Variants in OR5AN1 observed in about 807,000 individuals in gnomAD.
OR5AN1 encodes olfactory receptor 5AN1.
For synonymous variants in OR5AN1, 167 were observed against 131.8 expected, an observed-to-expected ratio of 1.27 and a Z score of -1.83; for missense variants, 476 against 368.9, an observed-to-expected ratio of 1.29 and a Z score of -2.38.
chr11:59,364,504 C>G lies in OR5AN1; in HGVS notation c.46C>G (p.Leu16Val). The change falls in exon 2 of 2, where the codon CTG (leucine) becomes GTG (valine). Residue 16 changes from leucine (L) to valine (V), a missense_variant. By Grantham distance (32) the Leu-to-Val change is conservative. Coordinates refer to ENST00000641998, the MANE Select transcript of OR5AN1 (RefSeq NM_001004729.2). ...NITEITYFIL[L>V]GFSDFPRIIK... ...TACAGAAATCACCTATTTCATCCTG[C>G]TGGGATTCTCAGATTTTCCCAGGAT... 2 of 1,613,542 alleles carry G rather than the reference C, an allele frequency of 1.2e-6. No homozygotes were observed. Among genetic ancestry groups the G allele is most frequent in the Non-Finnish European group, 1.7e-6 (2 of 1,179,718 alleles).
rs185459656 is a variant in OR5AN1 at position 59,364,995 on chromosome 11, C to T, written c.537C>T (p.Phe179=). The T allele has an allele frequency of 2.5e-6, 4 of 1,614,140 alleles. No individual in the cohort carries two copies. In the East Asian group the frequency reaches 6.7e-5, roughly 27 times the overall value. Residue 179 remains phenylalanine, a synonymous_variant, in exon 2 of 2, where the codon TTC becomes TTT. Coordinates refer to ENST00000641998, the MANE Select transcript of OR5AN1 (RefSeq NM_001004729.2). ...GGTCTAATGTCATCAGACATTTCTT[C>T]TGTGACATGCCCCAACTGTTAATCT... The part of the protein sequence containing the change: ...FCGSNVIRHF[F]CDMPQLLILS...
intron 1 of OR5AN1, among the ~76,000 whole-genome samples, chr11:59,360,404 T>C (rs936465577): frequency 6.6e-6 from 1 of 152,186 alleles, no homozygotes; most frequent in Non-Finnish European, 1.5e-5. Context: ...GGTTTTTTTA[T>C]TTTTGAATCT....
rs745562782 is a variant in OR5AN1 at position 59,365,182 on chromosome 11, T to A, written c.724T>A (p.Cys242Ser). 1 of 1,614,064 alleles carries A rather than the reference T, an allele frequency of 6.2e-7. No individual in the cohort carries two copies. Among genetic ancestry groups the A allele is most frequent in the African/African-American group, 1.3e-5 (1 of 75,060 alleles). The change falls in exon 2 of 2, where the codon TGT (cysteine) becomes AGT (serine). Residue 242 changes from cysteine (C) to serine (S), a missense_variant. Coordinates refer to ENST00000641998, the MANE Select transcript of OR5AN1 (RefSeq NM_001004729.2). ...AGGCAGGTCCAAGGCATTCAACACC[T>A]GTGCTTCTCATCTAACAGCTGTTTC... ...AKGRSKAFNT[C>S]ASHLTAVSLF...
chr11:59,371,054 T>G lies in OR5AN1; in HGVS notation c.*5660T>G, dbSNP rs936414844. 6.6e-6 allele frequency: 1 copy of G among 152,176 alleles called. No individual in the cohort carries two copies. Among genetic ancestry groups the G allele is most frequent in the Non-Finnish European group, 1.5e-5 (1 of 68,026 alleles). The allele number at this position is 152,176 out of a possible 1,614,324, so 9.4% of individuals were successfully genotyped here. On this transcript the variant is annotated 3_prime_UTR_variant, in exon 2 of 2. Coordinates refer to ENST00000641998, the MANE Select transcript of OR5AN1 (RefSeq NM_001004729.2). The stretch of plus-strand genomic sequence containing the variant: ...GGGTTCTTTTGCTTTAATATTTGTG[T>G]GTATGTGGAGTATTCCTTTTTCTTT...
Position 59,369,064 on chromosome 11 carries a change from C to A in OR5AN1, c.*3670C>A, listed in dbSNP as rs559595302. 6.6e-6 allele frequency: 1 copy of A among 152,220 alleles called. No homozygotes were observed. Among genetic ancestry groups the A allele is most frequent in the South Asian group, 2.1e-4 (1 of 4,820 alleles). The allele number at this position is 152,220 out of a possible 1,614,324, so 9.4% of individuals were successfully genotyped here. A position where few individuals can be genotyped will look rare whatever the true frequency, so the allele number is the denominator to read the frequency against. On this transcript the variant is annotated 3_prime_UTR_variant, in exon 2 of 2. Transcript: ENST00000641998. ...AAGAAGTGAGCATCAAACACAGACC[C>A]TACACAAAGCCTTGGCCCAGTGAAA...
At position 59,364,744 on chromosome 11, in the gene OR5AN1, G is replaced by C; in HGVS notation, c.286G>C (p.Val96Leu). ...LLQEQQTITFVGCIIQYFIFS... is the reference protein window; with the variant it reads ...LLQEQQTITFLGCIIQYFIFS... ...ACAGGAACAGCAAACTATCACTTTT[G>C]TTGGTTGTATTATTCAGTACTTTAT... The change falls in exon 2 of 2, where the codon GTT becomes CTT. Residue 96 changes from valine (V) to leucine (L), a missense_variant. Physicochemically the swap from Val to Leu is conservative, Grantham distance 32. Coordinates refer to ENST00000641998, the MANE Select transcript of OR5AN1 (RefSeq NM_001004729.2). 6.2e-7 allele frequency: 1 copy of C among 1,614,024 alleles called. No homozygotes were observed. The highest frequency in any genetic ancestry group is 8.5e-7 in the Non-Finnish European group (1 of 1,179,934).
Position 59,361,988 on chromosome 11 carries a change from G to A in OR5AN1, c.-13-2458G>A, listed in dbSNP as rs998806458. 2.0e-5 allele frequency among the ~76,000 whole-genome samples: 3 copies of A among 148,300 alleles called. No individual in the cohort carries two copies. In the East Asian group the frequency reaches 5.8e-4, roughly 29 times the overall value. On this transcript the variant is annotated intron_variant, in intron 1 of 1. Coordinates refer to ENST00000641998, the MANE Select transcript of OR5AN1 (RefSeq NM_001004729.2). ...TTGTAAGGAGTGTGTGTGTGTTTGT[G>A]TGTGTGTGTGTGTGTGTGTGTGACA...
chr11:59,364,826 G>A lies in OR5AN1; in HGVS notation c.368G>A (p.Arg123His), dbSNP rs149354660. The A allele has an allele frequency of 1.1e-4, 179 of 1,613,918 alleles. 2 individuals are homozygous for A. Among genetic ancestry groups the A allele is most frequent in the South Asian group, 1.6e-4 (15 of 91,064 alleles). The change falls in exon 2 of 2, where the codon CGT (arginine) becomes CAT (histidine). Residue 123 changes from arginine to histidine, a missense_variant. By Grantham distance (29) the Arg-to-His change is conservative (BLOSUM62 0). Transcript: ENST00000641998. ...CTCATGACAGCCATGGCTTATGATC[G>A]TTATGCTGCCATTTGTAACCCCCTG... ...SCLMTAMAYD[R>H]YAAICNPLLY... is the part of the protein sequence containing the mutation.
chr11:59,363,833 C>T (rs1170178577), intron 1 of OR5AN1, among the ~76,000 whole-genome samples: 1 of 152,124 alleles, frequency 6.6e-6, no homozygotes, highest in Non-Finnish European at 1.5e-5. Context: ...CATGATCTCA[C>T]CTCACTGCAA....
chr11:59,363,109 A>T (rs1468606990), intron 1 of OR5AN1, among the ~76,000 whole-genome samples: 1 of 152,210 alleles, frequency 6.6e-6, no homozygotes, highest in African/African-American at 2.4e-5. Flanking sequence ...ATTACTTTTC[A>T]CATTCCTACC....
chr11:59,366,712 T>C lies in OR5AN1; in HGVS notation c.*1318T>C, dbSNP rs1439646034. The C allele has an allele frequency of 6.6e-6, 1 of 152,230 alleles. No homozygotes were observed. Among genetic ancestry groups the C allele is most frequent in the African/African-American group, 2.4e-5 (1 of 41,460 alleles). 9.4% of individuals were successfully genotyped at this position (152,230 alleles called of 1,614,324 possible). A position where few individuals can be genotyped will look rare whatever the true frequency, so the allele number is the denominator to read the frequency against. On this transcript the variant is annotated 3_prime_UTR_variant, in exon 2 of 2. Transcript: ENST00000641998. ...TTTAGGATTATTGAGCTGATACTTATTCAAAACTCAGAATAGGGACCCCAG... is the reference window on the plus strand; with the variant it reads ...TTTAGGATTATTGAGCTGATACTTACTCAAAACTCAGAATAGGGACCCCAG...
chr11:59,367,260 T>G lies in OR5AN1; in HGVS notation c.*1866T>G, dbSNP rs1857545376. On this transcript the variant is annotated 3_prime_UTR_variant, in exon 2 of 2. Coordinates refer to ENST00000641998, the MANE Select transcript of OR5AN1 (RefSeq NM_001004729.2). Reference sequence around the variant, plus strand: ...GGTGAGCATTAGGTCTTTGCAACCCTCAAGTCAGGAGATCTCCTTGTGAAC... The same window carrying G: ...GGTGAGCATTAGGTCTTTGCAACCCGCAAGTCAGGAGATCTCCTTGTGAAC... 6.6e-6 allele frequency: 1 copy of G among 152,188 alleles called. No homozygotes were observed. 9.4% of individuals were successfully genotyped at this position (152,188 alleles called of 1,614,324 possible). A position where few individuals can be genotyped will look rare whatever the true frequency, so the allele number is the denominator to read the frequency against.
rs1308526608 is a variant in OR5AN1, at chr11:59,365,034, C to T, written c.576C>T (p.Asp192=). Residue 192 remains aspartate (D), a synonymous_variant, in exon 2 of 2, where the codon GAC becomes GAT. Coordinates refer to ENST00000641998, the MANE Select transcript of OR5AN1 (RefSeq NM_001004729.2). ...AACTGTTAATCTTGTCCTGTACTGA[C>T]ACTTTCTTTGTACAGGTCATGACTG... ...MPQLLILSCT[D]TFFVQVMTAI... 6.2e-7 allele frequency: 1 copy of T among 1,613,958 alleles called. No individual in the cohort carries two copies. Among genetic ancestry groups the T allele is most frequent in the Non-Finnish European group, 8.5e-7 (1 of 1,179,848 alleles).
rs1164551380 is a variant in OR5AN1, at chr11:59,369,137, T to TA, written c.*3746dup. ...GACTATACTCAAACTACTCTGCAGT[T>TA]AAAGAAACACCCACATGCAGAGATG... On this transcript the variant is annotated 3_prime_UTR_variant, in exon 2 of 2. Coordinates refer to ENST00000641998, the MANE Select transcript of OR5AN1 (RefSeq NM_001004729.2). 4 of 149,420 alleles carry TA rather than the reference T, an allele frequency of 2.7e-5. No homozygotes were observed. The highest frequency in any genetic ancestry group is 9.9e-5 in the African/African-American group (4 of 40,448). 9.3% of individuals were successfully genotyped at this position (149,420 alleles called of 1,614,324 possible). A position where few individuals can be genotyped will look rare whatever the true frequency, so the allele number is the denominator to read the frequency against.
chr11:59,363,994 C>T (rs1380164834), intron 1 of OR5AN1, among the ~76,000 whole-genome samples: 2 of 152,124 alleles, frequency 1.3e-5, no homozygotes, highest in Non-Finnish European at 2.9e-5. Flanking sequence ...AACTCCTGAT[C>T]TCAGGTGATC....
Position 59,364,507 on chromosome 11 carries a change from G to A in OR5AN1, c.49G>A (p.Gly17Arg). 1.2e-6 allele frequency: 2 copies of A among 1,613,648 alleles called. No individual in the cohort carries two copies. Among genetic ancestry groups the A allele is most frequent in the Non-Finnish European group, 1.7e-6 (2 of 1,179,818 alleles). Residue 17 changes from glycine to arginine, a missense_variant, in exon 2 of 2, where the codon GGA (glycine) becomes AGA (arginine). Transcript: ENST00000641998. Reference sequence around the variant, plus strand: ...AGAAATCACCTATTTCATCCTGCTGGGATTCTCAGATTTTCCCAGGATCAT... The same window carrying A: ...AGAAATCACCTATTTCATCCTGCTGAGATTCTCAGATTTTCCCAGGATCAT... ...ITEITYFILL[G>R]FSDFPRIIKV...
chr11:59,364,055 G>T (rs946907871), intron 1 of OR5AN1, among the ~76,000 whole-genome samples: 1 of 152,128 alleles, frequency 6.6e-6, no homozygotes, highest in Non-Finnish European at 1.5e-5. Flanking sequence ...GAGCCACTAC[G>T]CCCAGCCTAA....
At chr11:59,360,223 AAAG>A (rs1857448639) in intron 1 of OR5AN1, 1 of 152,206 alleles carries the variant, frequency 6.6e-6, no homozygotes, top group East Asian at 1.9e-4. Context: ...ATGTAATAAA[AAAG>A]TAAAGAGTTT....
In OR5AN1 at chr11:59,371,320, G is replaced by A. The variant is rs1857592077; in HGVS notation, c.*5926G>A. On this transcript the variant is annotated 3_prime_UTR_variant, in exon 2 of 2. Transcript: ENST00000641998. ...GGAGAGAAAGATTGTGTTATGGCAA[G>A]TTAGAAGAAACAGAATATGTGAAGG... 6.6e-6 allele frequency: 1 copy of A among 152,068 alleles called. No homozygotes were observed. Among genetic ancestry groups the A allele is most frequent in the African/African-American group, 2.4e-5 (1 of 41,402 alleles). The allele number at this position is 152,068 out of a possible 1,614,324, so 9.4% of individuals were successfully genotyped here.
Sources: gnomAD v4.1 joint callset for allele counts (sites outside exome capture counted in the v4.1 genomes callset) on GRCh38, gnomAD v4.1.1 for gene constraint, MANE v1.5 for transcripts, NCBI Gene and HGNC (gene_info 2026-07-23, HGNC 2026-07-21) for gene names.